SLC25A30: variants seen among roughly 807,000 people sequenced by gnomAD.
SLC25A30 encodes the protein solute carrier family 25 member 30.
In SLC25A30, 29 loss-of-function variants were observed where a neutral mutation model predicts 42.7. The observed-to-expected ratio is 0.68, with a 90% CI of 0.51 to 0.93. The LOEUF (loss-of-function observed/expected upper bound fraction) is 0.93, where lower values mean the gene tolerates loss of function less well. Ranked by LOEUF, SLC25A30 falls within the 40% of genes least tolerant of loss-of-function variation. The probability of loss-of-function intolerance (pLI) is 0.00; values close to 1 mark genes in which losing one functional copy is unlikely to be tolerated. For synonymous variants in SLC25A30, 124 were observed against 131.0 expected (o/e 0.95, Z 0.37); for missense variants, 300 against 359.7 (o/e 0.83, Z 1.34).
chr13:45,402,608 ACAGCAG>A (rs1882106230), intron 5 of SLC25A30: 1 of 247,824 alleles, frequency 4.0e-6, no homozygotes, highest in Non-Finnish European at 6.4e-6. Context: ...AGTCCTACGT[ACAGCAG>A]TTCATTAAAT....
At chr13:45,397,395 T>A in intron 8 of SLC25A30, 57 bp from the exon 9 acceptor site, 1 of 1,283,824 alleles carries the variant, frequency 7.8e-7, no homozygotes, top group Non-Finnish European at 1.1e-6. Flanking sequence ...CCAAATGCAT[T>A]AATAATTAGT....
chr13:45,402,532 C>G (rs1489694683), intron 5 of SLC25A30, among the ~76,000 whole-genome samples, 162 bp from the exon 6 acceptor site: 1 of 152,108 alleles, frequency 6.6e-6, no homozygotes, highest in Non-Finnish European at 1.5e-5. Flanking sequence ...CTTAAAATGA[C>G]TAAAACGTAT....
the SLC25A30 span, among the ~76,000 whole-genome samples, chr13:45,425,955 A>C: frequency 2.5e-4 from 37 of 147,718 alleles, no homozygotes; most frequent in African/African-American, 8.1e-4. Context: ...AGCCTCCCAA[A>C]GTGCTGGGAT....
chr13:45,423,793 A>T, the SLC25A30 span, among the ~76,000 whole-genome samples: 1 of 70,910 alleles, frequency 1.4e-5, no homozygotes, highest in South Asian at 4.4e-4. Flanking sequence ...TAAATATATA[A>T]ATATATATTT....
At chr13:45,403,498 T>G (rs1882196346) in intron 5 of SLC25A30, among the ~76,000 whole-genome samples, 1 of 152,184 alleles carries the variant, frequency 6.6e-6, no homozygotes. Flanking sequence ...CATTCCTAAT[T>G]TTTATTTTAT....
chr13:45,424,987 T>C, the SLC25A30 span, among the ~76,000 whole-genome samples: 1 of 50,020 alleles, frequency 2.0e-5, no homozygotes, highest in Non-Finnish European at 3.3e-5. Flanking sequence ...TATATAAAAA[T>C]ATATATAAAT....
intron 5 of SLC25A30, chr13:45,402,963 G>T: frequency 3.9e-6 from 1 of 258,730 alleles, no homozygotes; most frequent in Non-Finnish European, 6.0e-6. Context: ...GTAGCTCTTT[G>T]CATTTTTAAG....
At chr13:45,427,197 A>T in the SLC25A30 span, among the ~76,000 whole-genome samples, 3 of 152,146 alleles carry the variant, frequency 2.0e-5, no homozygotes, top group African/African-American at 7.2e-5. Context: ...GAACTGAAGA[A>T]GAGGCCACAT....
At chr13:45,403,936 CAAAAA>C (rs34588071) in intron 5 of SLC25A30, among the ~76,000 whole-genome samples, 1 of 80,740 alleles carries the variant, frequency 1.2e-5, no homozygotes. Context: ...GACTCCATCT[CAAAAA>C]AAAAAAAAAA....
upstream of SLC25A30, among the ~76,000 whole-genome samples, chr13:45,421,609 G>A (rs1176720355): frequency 2.0e-5 from 3 of 152,062 alleles, no homozygotes; most frequent in Non-Finnish European, 1.5e-5. Flanking sequence ...CCTGGCCACA[G>A]CTTTATTAGC....
chr13:45,417,594 G>A lies in SLC25A30; in HGVS notation c.-56+706C>T, dbSNP rs73183459. On this transcript the variant is annotated intron_variant, in intron 1 of 9. Coordinates refer to ENST00000519676, the MANE Select transcript of SLC25A30 (RefSeq NM_001010875.4). The stretch of plus-strand genomic sequence containing the variant: ...TCATCTCGTTTCACGTTAATTAACT[G>A]AGCCCGCGGTCACAAAGCTTCGCAA... 4.6e-5 allele frequency among the ~76,000 whole-genome samples: 7 copies of A among 152,194 alleles called. 1 individual carries two copies. The South Asian group carries it at 1.5e-3, about 32-fold the overall frequency.
the SLC25A30 span, among the ~76,000 whole-genome samples, chr13:45,428,273 A>G: frequency 2.0e-5 from 3 of 151,106 alleles, no homozygotes; most frequent in African/African-American, 7.3e-5. Flanking sequence ...CAGTGGTGCA[A>G]TCTCGGCTCA....
Position 45,396,020 on chromosome 13 carries a change from G to C in SLC25A30, c.835-5C>G, listed in dbSNP as rs942616494. Reference sequence around the variant, plus strand: ...CTGCTCGTATGTCACAAAGAACTGTGGTTATGGGTTAAGGATGACACAGAA... The same window carrying C: ...CTGCTCGTATGTCACAAAGAACTGTCGTTATGGGTTAAGGATGACACAGAA... On this transcript the variant is annotated splice_polypyrimidine_tract_variant and splice_region_variant and intron_variant, in intron 9 of 9. Coordinates refer to ENST00000519676, the MANE Select transcript of SLC25A30 (RefSeq NM_001010875.4). 2 of 1,614,158 alleles carry C rather than the reference G, an allele frequency of 1.2e-6. No individual in the cohort carries two copies. Among genetic ancestry groups the C allele is most frequent in the Non-Finnish European group, 1.7e-6 (2 of 1,180,028 alleles).
the SLC25A30 span, among the ~76,000 whole-genome samples, chr13:45,423,883 AT>A: frequency 5.7e-3 from 249 of 43,968 alleles, 3 homozygotes; most frequent in Non-Finnish European, 7.3e-3. Flanking sequence ...ATATATAAAA[AT>A]ATATATATAA....
intron 8 of SLC25A30, chr13:45,398,189 A>G (rs1881558515): frequency 1.1e-5 from 3 of 263,578 alleles, no homozygotes; most frequent in African/African-American, 2.3e-5. Context: ...CATTATCCTG[A>G]GCAAACTAAC....
At chr13:45,404,578 G>A (rs1882319424) in intron 4 of SLC25A30, among the ~76,000 whole-genome samples, 166 bp from the exon 5 acceptor site, 1 of 152,128 alleles carries the variant, frequency 6.6e-6, no homozygotes, top group Non-Finnish European at 1.5e-5. Context: ...CAGCACTTTG[G>A]GATACCAAGG....
the SLC25A30 span, among the ~76,000 whole-genome samples, chr13:45,433,980 T>A: frequency 6.6e-6 from 1 of 152,172 alleles, no homozygotes; most frequent in East Asian, 1.9e-4. Flanking sequence ...CCAATCAGGC[T>A]GGGCGCAATG....
Position 45,395,590 on chromosome 13 carries a change from T to A in SLC25A30, c.*384A>T. 9.1e-7 allele frequency: 1 copy of A among 1,097,446 alleles called. No individual in the cohort carries two copies. The highest frequency in any genetic ancestry group is 1.1e-6 in the Non-Finnish European group (1 of 895,360). 68.0% of individuals were successfully genotyped at this position (1,097,446 alleles called of 1,614,324 possible). Reference sequence around the variant, plus strand: ...CGGAGGCTCCATTCCATGGTTCCAGTGAGCTTTTCTAGAGCAGTCTGATTC... The same window carrying A: ...CGGAGGCTCCATTCCATGGTTCCAGAGAGCTTTTCTAGAGCAGTCTGATTC... On this transcript the variant is annotated 3_prime_UTR_variant, in exon 10 of 10. Coordinates refer to ENST00000519676, the MANE Select transcript of SLC25A30 (RefSeq NM_001010875.4).
the SLC25A30 span, among the ~76,000 whole-genome samples, chr13:45,425,239 C>CGT: frequency 1.0e-5 from 1 of 99,578 alleles, no homozygotes; most frequent in African/African-American, 4.2e-5. Flanking sequence ...AATATTTATA[C>CGT]ATATATAAAT....
Sources: gnomAD v4.1 joint callset for allele counts (sites outside exome capture counted in the v4.1 genomes callset) on GRCh38, gnomAD v4.1.1 for gene constraint, MANE v1.5 for transcripts, NCBI Gene and HGNC (gene_info 2026-07-23, HGNC 2026-07-21) for gene names.